The following DPYSL5 variants were observed in gnomAD, a reference collection of about 807,000 sequenced individuals.
DPYSL5 encodes the protein dihydropyrimidinase-related protein 5.
In DPYSL5, 9 loss-of-function variants were observed where a neutral mutation model predicts 58.4. The ratio of observed to expected loss-of-function variants is 0.15; its 90% CI spans 0.09 to 0.27. DPYSL5 has a LOEUF of 0.27. Ranked by LOEUF, DPYSL5 falls within the 10% of genes least tolerant of loss-of-function variation. The pLI, the probability that DPYSL5 is intolerant of heterozygous loss-of-function variation, is 1.00. For missense variants in DPYSL5, 499 were observed against 770.6 expected (o/e 0.65, Z 4.17); for synonymous variants, 293 against 301.9 (o/e 0.97, Z 0.31).
In DPYSL5 at chr2:26,898,580, C is replaced by T. The variant is rs754607429; in HGVS notation, c.81C>T (p.Asp27=). ...VVNDDCTHEA[D]VYIENGIIQQ... ...ACGATGACTGCACCCACGAGGCTGA[C>T]GTCTACATCGAGAATGGCATCATCC... Residue 27 remains aspartate (D), a synonymous_variant, in exon 2 of 13, where the codon GAC becomes GAT. Coordinates refer to ENST00000288699, the MANE Select transcript of DPYSL5 (RefSeq NM_020134.4). This position sits in a 1 kb window ranked among gnomAD's most constrained non-coding sequence, Gnocchi z 6.1. The T allele has an allele frequency of 9.9e-6, 16 of 1,614,076 alleles. No homozygotes were observed. Among genetic ancestry groups the T allele is most frequent in the South Asian group, 3.3e-5 (3 of 91,086 alleles).
chr2:26,851,993 T>C (rs1380323282), intron 1 of DPYSL5, among the ~76,000 whole-genome samples: 1 of 152,168 alleles, frequency 6.6e-6, no homozygotes, highest in Non-Finnish European at 1.5e-5. Flanking sequence ...TCTTGGGGCA[T>C]AGAAAAATAT....
chr2:26,903,062 C>T (rs1167298753), intron 2 of DPYSL5, among the ~76,000 whole-genome samples: 2 of 151,046 alleles, frequency 1.3e-5, no homozygotes, highest in Non-Finnish European at 2.9e-5. Flanking sequence ...TATTCCTCTA[C>T]TTTCTTTTTT....
chr2:26,881,096 G>A (rs979554083), intron 1 of DPYSL5, among the ~76,000 whole-genome samples: 7 of 152,156 alleles, frequency 4.6e-5, no homozygotes, highest in South Asian at 2.1e-4. Context: ...CTGGGAAAAC[G>A]GGCCTGGGAG....
intron 1 of DPYSL5, among the ~76,000 whole-genome samples, chr2:26,868,152 T>G (rs936172283): frequency 2.6e-5 from 4 of 152,344 alleles, no homozygotes; most frequent in African/African-American, 9.6e-5. Context: ...AGCTTTGTTC[T>G]TCTGTGTATC....
chr2:26,899,956 G>A (rs926084907), intron 2 of DPYSL5, among the ~76,000 whole-genome samples: 4 of 152,192 alleles, frequency 2.6e-5, no homozygotes, highest in African/African-American at 7.2e-5. Context: ...GGATCCTCTT[G>A]CAGGGTGCCT....
intron 2 of DPYSL5, among the ~76,000 whole-genome samples, chr2:26,913,897 A>G (rs1024590163): frequency 1.5e-4 from 23 of 150,990 alleles, no homozygotes; most frequent in Non-Finnish European, 4.4e-5. Context: ...AAAACCATGC[A>G]TGCTTTTACA....
intron 5 of DPYSL5, among the ~76,000 whole-genome samples, chr2:26,928,687 GTATATA>G (rs66756785): frequency 4.9e-5 from 3 of 60,676 alleles, no homozygotes; most frequent in Non-Finnish European, 1.1e-4. Context: ...AGGTGATAGA[GTATATA>G]TATATATATA....
Position 26,898,631 on chromosome 2 carries a change from C to A in DPYSL5, c.132C>A (p.Ile44=), listed in dbSNP as rs774264774. Residue 44 remains isoleucine, a synonymous_variant, in exon 2 of 13, where the codon ATC becomes ATA. Transcript: ENST00000288699. The surrounding 1 kb of genome is among the most constrained non-coding windows in gnomAD (Gnocchi z 6.1). ...AGCAGGTGGGCCGCGAGCTCATGAT[C>A]CCTGGCGGGGCCAAGGTGATTGATG... ...IIQQVGRELM[I]PGGAKVIDAT... is the part of the protein sequence containing the mutation. 4 of 1,614,122 alleles carry A rather than the reference C, an allele frequency of 2.5e-6. No individual in the cohort carries two copies. The highest frequency in any genetic ancestry group is 3.4e-6 in the Non-Finnish European group (4 of 1,180,030).
chr2:26,863,193 G>T (rs1414767947), intron 1 of DPYSL5, among the ~76,000 whole-genome samples: 2 of 152,078 alleles, frequency 1.3e-5, no homozygotes, highest in African/African-American at 4.8e-5. Context: ...CATTGCCCCT[G>T]GCCCACCCCT....
Position 26,927,879 on chromosome 2 carries a change from G to A in DPYSL5, c.601-376G>A, listed in dbSNP as rs1434762067. ...CTGGTGCATTCTCCTAGGTCTTGGG[G>A]TAAGGGCTAGCCTAGCAGTTGCTGG... On this transcript the variant is annotated intron_variant, in intron 4 of 12. Transcript: ENST00000288699. The surrounding 1 kb of genome is among the most constrained non-coding windows in gnomAD (Gnocchi z 4.3). Among the ~76,000 whole-genome samples the A allele has an allele frequency of 3.3e-5, 5 of 152,340 alleles. No individual in the cohort carries two copies. Among genetic ancestry groups the A allele is most frequent in the Non-Finnish European group, 7.3e-5 (5 of 68,034 alleles).
At chr2:26,901,612 T>G (rs1005013431) in intron 2 of DPYSL5, among the ~76,000 whole-genome samples, 1 of 152,140 alleles carries the variant, frequency 6.6e-6, no homozygotes, top group African/African-American at 2.4e-5. Context: ...CTAAGAAAGG[T>G]TGATTCACTT....
chr2:26,855,800 C>T (rs1665864897), intron 1 of DPYSL5, among the ~76,000 whole-genome samples: 1 of 152,186 alleles, frequency 6.6e-6, no homozygotes, highest in Admixed American at 6.6e-5. Context: ...TGTCCTTCTG[C>T]AGAGCAAGAT....
chr2:26,931,153 ATAT>A (rs1186722853), intron 5 of DPYSL5, among the ~76,000 whole-genome samples: 2 of 27,290 alleles, frequency 7.3e-5, no homozygotes, highest in African/African-American at 2.0e-4. Flanking sequence ...AAAAAAAAAA[ATAT>A]ATATATATAT....
At chr2:26,857,056 T>G (rs1049523548) in intron 1 of DPYSL5, among the ~76,000 whole-genome samples, 2 of 150,898 alleles carry the variant, frequency 1.3e-5, no homozygotes, top group Non-Finnish European at 2.9e-5. Flanking sequence ...TACTGCAGTT[T>G]TCTTAACTCA....
chr2:26,924,840 G>A lies in DPYSL5; in HGVS notation c.262-47G>A, dbSNP rs988691363. ...CCATGTCTCACCACATCATTGACTC[G>A]GGGGCAGGCAGGGCTGTGACGAGAC... On this transcript the variant is annotated intron_variant, in intron 2 of 12. Transcript: ENST00000288699. The surrounding 1 kb of genome is among the most constrained non-coding windows in gnomAD (Gnocchi z 4.7). 28 of 1,591,250 alleles carry A rather than the reference G, an allele frequency of 1.8e-5. No homozygotes were observed. The highest frequency in any genetic ancestry group is 5.4e-5 in the African/African-American group (4 of 74,626).
chr2:26,882,090 C>CAAAAA lies in DPYSL5; in HGVS notation c.-4-16388_-4-16384dup, dbSNP rs752138649. Among the ~76,000 whole-genome samples, 95 of 40,824 alleles carry CAAAAA rather than the reference C, an allele frequency of 2.3e-3. 2 individuals carry two copies. Among genetic ancestry groups the CAAAAA allele is most frequent in the African/African-American group, 6.4e-3 (79 of 12,382 alleles). 26.8% of individuals were successfully genotyped at this position (40,824 alleles called of 152,430 possible). A position where few individuals can be genotyped will look rare whatever the true frequency, so the allele number is the denominator to read the frequency against. ...TGGGTGATAGAGCGAGACTCCATCTCAAAAAAAAAAAAAAAAAAAAAAGAA... is the reference window on the plus strand; with the variant it reads ...TGGGTGATAGAGCGAGACTCCATCTCAAAAAAAAAAAAAAAAAAAAAAAAAAAGAA... On this transcript the variant is annotated intron_variant, in intron 1 of 12. Coordinates refer to ENST00000288699, the MANE Select transcript of DPYSL5 (RefSeq NM_020134.4).
chr2:26,906,542 A>G (rs1192898205), intron 2 of DPYSL5, among the ~76,000 whole-genome samples: 1 of 152,122 alleles, frequency 6.6e-6, no homozygotes, highest in Admixed American at 6.5e-5. Flanking sequence ...ATCTCCTGCC[A>G]TGGAATATAA....
chr2:26,935,209 C>T (rs1004215752), intron 8 of DPYSL5, among the ~76,000 whole-genome samples: 2 of 152,128 alleles, frequency 1.3e-5, no homozygotes, highest in African/African-American at 4.8e-5. Context: ...CTCCCCCTTT[C>T]CTTCCCACAC....
chr2:26,941,934 T>A lies in DPYSL5; in HGVS notation c.1090-16T>A, dbSNP rs1665331918. ...CCCAGAGCCTGGTTGACTTGACACTTTCTGCAACATTTCAGGTTGGAGGAA... is the reference window on the plus strand; with the variant it reads ...CCCAGAGCCTGGTTGACTTGACACTATCTGCAACATTTCAGGTTGGAGGAA... On this transcript the variant is annotated splice_polypyrimidine_tract_variant and intron_variant, in intron 9 of 12. Transcript: ENST00000288699. 1 of 1,613,898 alleles carries A rather than the reference T, an allele frequency of 6.2e-7. No individual in the cohort carries two copies. Among genetic ancestry groups the A allele is most frequent in the East Asian group, 2.2e-5 (1 of 44,900 alleles).
Sources: allele counts gnomAD v4.1 joint callset (sites outside exome capture counted in the v4.1 genomes callset), GRCh38; gene constraint gnomAD v4.1.1; non-coding constraint Gnocchi (gnomAD v3.1); transcripts MANE v1.5; gene names NCBI Gene and HGNC (gene_info 2026-07-23, HGNC 2026-07-21).